Variants in DNAH7 observed in about 807,000 individuals in gnomAD.
DNAH7 encodes dynein axonemal heavy chain 7.
DNAH7 carries 397 observed loss-of-function variants against 444.6 expected under a neutral mutation model. The observed-to-expected ratio is 0.89, with a 90% confidence interval of 0.82 to 0.97. DNAH7 has a LOEUF of 0.97. Among genes scored for constraint, DNAH7 ranks in the 50% least tolerant of loss-of-function variants. The probability of loss-of-function intolerance (pLI) is 0.00; values close to 1 mark genes in which losing one functional copy is unlikely to be tolerated. For synonymous variants in DNAH7, 1,636 were observed against 1,624.4 expected (o/e 1.01, Z -0.17); for missense variants, 4,902 against 4,800.8 (o/e 1.02, Z -0.62).
intron 44 of DNAH7, 69 bp downstream of exon 44, chr2:195,857,308 G>T: frequency 2.3e-6 from 3 of 1,330,018 alleles, no homozygotes; most frequent in Admixed American, 2.5e-5. Flanking sequence ...CTTTTAAATT[G>T]TATATTTTCT....
Position 196,006,071 on chromosome 2 carries a change from T to C in DNAH7, c.990-4213A>G, listed in dbSNP as rs191113102. Among the ~76,000 whole-genome samples, 11 of 152,266 alleles carry C rather than the reference T, an allele frequency of 7.2e-5. No homozygotes were observed. The East Asian group carries it at 1.9e-3, about 27-fold the overall frequency. On this transcript the variant is annotated intron_variant, in intron 10 of 64. Coordinates refer to ENST00000312428, the MANE Select transcript of DNAH7 (RefSeq NM_018897.3). ...GCTCATGCCTGTAATCCCAACACTT[T>C]GGGAGGCTGAGTCAGGAGGATTGCT...
intron 27 of DNAH7, chr2:195,901,784 C>G (rs1280180818): frequency 6.6e-6 from 1 of 151,910 alleles, no homozygotes; most frequent in Non-Finnish European, 1.5e-5. Context: ...GGAAAGAAAA[C>G]CGGAAATAAG....
chr2:195,977,576 T>C (rs1310169571), intron 15 of DNAH7, among the ~76,000 whole-genome samples: 2 of 152,124 alleles, frequency 1.3e-5, no homozygotes, highest in African/African-American at 4.8e-5. Context: ...GGTAGAACCT[T>C]ATTCAAAAGG....
At position 195,737,859 on chromosome 2, in the gene DNAH7, A is replaced by AAT; in HGVS notation, c.*60_*61dup. 1 of 1,427,068 alleles carries AAT rather than the reference A, an allele frequency of 7.0e-7. No individual in the cohort carries two copies. The highest frequency in any genetic ancestry group is 9.4e-7 in the Non-Finnish European group (1 of 1,061,304). 88.4% of individuals were successfully genotyped at this position (1,427,068 alleles called of 1,614,324 possible). A position where few individuals can be genotyped will look rare whatever the true frequency, so the allele number is the denominator to read the frequency against. On this transcript the variant is annotated 3_prime_UTR_variant, in exon 65 of 65. Transcript: ENST00000312428. The stretch of plus-strand genomic sequence containing the variant: ...ACAAAAAAAAAGGTTTAAGTAGTAA[A>AAT]ATATGCTTTCTCTACTCAGCCAGCC...
Position 195,841,634 on chromosome 2 carries a change from G to C in DNAH7, c.8945+3368C>G, listed in dbSNP as rs1281589735. ...CAAATTCTGAATTCAAAACGAACAA[G>C]CACTACATTTACTTGCTTACTTCTT... On this transcript the variant is annotated intron_variant, in intron 47 of 64. Transcript: ENST00000312428. 2.0e-5 allele frequency among the ~76,000 whole-genome samples: 3 copies of C among 151,762 alleles called. No individual in the cohort carries two copies. In the East Asian group the frequency reaches 5.8e-4, roughly 29 times the overall value.
chr2:195,771,756 CTGAGTA>C lies in DNAH7; in HGVS notation c.11331_11336del (p.Tyr3777_Gln3779delinsTer). ...CTTGGACAAGTACAGTGTTCATGCTCTGAGTATAAGTTGTTGGGTACCTCCTCATGG... is the reference window on the plus strand; with the variant it reads ...CTTGGACAAGTACAGTGTTCATGCTCTAAGTTGTTGGGTACCTCCTCATGG... On this transcript the variant is annotated stop_gained and inframe_deletion, in exon 61 of 65. Transcript: ENST00000312428. LOFTEE classifies it high-confidence loss of function. The C allele has an allele frequency of 6.2e-7, 1 of 1,614,110 alleles. No homozygotes were observed.
At chr2:195,950,876 A>C (rs1461306348) in intron 19 of DNAH7, among the ~76,000 whole-genome samples, 1 of 149,706 alleles carries the variant, frequency 6.7e-6, no homozygotes. Context: ...AAAAAAAAAA[A>C]AAACCCAGCT....
intron 12 of DNAH7, among the ~76,000 whole-genome samples, chr2:195,993,537 T>C (rs1020167708): frequency 2.6e-5 from 4 of 152,134 alleles, no homozygotes; most frequent in African/African-American, 7.2e-5. Context: ...TTTATGGAGA[T>C]AGAAAAATCC....
chr2:195,778,844 CTTTTT>C lies in DNAH7; in HGVS notation c.10879-864_10879-860del, dbSNP rs11286753. Among the ~76,000 whole-genome samples the C allele has an allele frequency of 1.6e-4, 20 of 125,932 alleles. No homozygotes were observed. The Admixed American group carries it at 1.6e-3, about 10-fold the overall frequency. 82.6% of individuals were successfully genotyped at this position (125,932 alleles called of 152,430 possible). On this transcript the variant is annotated intron_variant, in intron 58 of 64. Coordinates refer to ENST00000312428, the MANE Select transcript of DNAH7 (RefSeq NM_018897.3). ...ATATATACATATACACAATTGTACACTTTTTTTTTTTTTTTTGAGACTGAGTTTCA... is the reference window on the plus strand; with the variant it reads ...ATATATACATATACACAATTGTACACTTTTTTTTTTTGAGACTGAGTTTCA...
intron 40 of DNAH7, among the ~76,000 whole-genome samples, chr2:195,866,318 C>A (rs114912746): frequency 6.6e-6 from 1 of 151,636 alleles, no homozygotes; most frequent in Non-Finnish European, 1.5e-5. Flanking sequence ...GTATTGTTAT[C>A]AAATTGATGA....
At chr2:195,866,916 C>T (rs570139551) in intron 40 of DNAH7, among the ~76,000 whole-genome samples, 2 of 152,168 alleles carry the variant, frequency 1.3e-5, no homozygotes, top group South Asian at 4.2e-4. Context: ...TCTCACGAGA[C>T]CTGATGGTTT....
intron 47 of DNAH7, among the ~76,000 whole-genome samples, chr2:195,838,117 G>A (rs1698476673): frequency 6.6e-6 from 1 of 152,116 alleles, no homozygotes; most frequent in Non-Finnish European, 1.5e-5. Flanking sequence ...ATGCCGAGGA[G>A]TAGATTCAAA....
At position 195,858,796 on chromosome 2, in the gene DNAH7, ATTAC is replaced by A. The variant is rs777240950; in HGVS notation, c.7741_7744del (p.Val2581Ter). On this transcript the variant is annotated frameshift_variant, in exon 43 of 65. Coordinates refer to ENST00000312428, the MANE Select transcript of DNAH7 (RefSeq NM_018897.3). LOFTEE classifies it high-confidence loss of function. The stretch of plus-strand genomic sequence containing the variant: ...CACTTCATATCTCTTTTTCATTTTC[ATTAC>A]TTCACTGGAAGGAAATAGATAAAAC... The A allele has an allele frequency of 6.2e-7, 1 of 1,604,750 alleles. No homozygotes were observed. The highest frequency in any genetic ancestry group is 8.5e-7 in the Non-Finnish European group (1 of 1,175,810).
chr2:195,952,403 T>C (rs1456436106), intron 19 of DNAH7, among the ~76,000 whole-genome samples: 1 of 152,138 alleles, frequency 6.6e-6, no homozygotes, highest in Non-Finnish European at 1.5e-5. Context: ...CGACTATGTG[T>C]CTTGGGGTTG....
intron 5 of DNAH7, among the ~76,000 whole-genome samples, chr2:196,030,670 A>G (rs887658037): frequency 9.2e-5 from 14 of 152,242 alleles, no homozygotes; most frequent in Admixed American, 8.5e-4. Flanking sequence ...ATTGGCCAAG[A>G]CAAAGTGGTT....
intron 20 of DNAH7, among the ~76,000 whole-genome samples, chr2:195,935,048 A>G (rs1157971605): frequency 6.6e-6 from 1 of 152,248 alleles, no homozygotes; most frequent in East Asian, 1.9e-4. Context: ...CTACAGAGAC[A>G]ACCACGAGGC....
intron 22 of DNAH7, among the ~76,000 whole-genome samples, chr2:195,926,218 T>C (rs1157332509): frequency 6.6e-6 from 1 of 152,202 alleles, no homozygotes; most frequent in Non-Finnish European, 1.5e-5. Flanking sequence ...AAACATGATT[T>C]AAACATAAAT....
intron 10 of DNAH7, among the ~76,000 whole-genome samples, chr2:196,005,446 C>T (rs938637009): frequency 2.0e-5 from 3 of 151,508 alleles, no homozygotes; most frequent in African/African-American, 7.3e-5. Flanking sequence ...AACAGATCAA[C>T]AAAACTCATG....
At chr2:195,934,890 G>C in intron 20 of DNAH7, 101 bp from the exon 21 acceptor site, 1 of 1,303,066 alleles carries the variant, frequency 7.7e-7, no homozygotes, top group South Asian at 1.4e-5. Flanking sequence ...GTGCTGCTGG[G>C]AATGAAATGC....
Sources: gnomAD v4.1 joint callset for allele counts (sites outside exome capture counted in the v4.1 genomes callset) on GRCh38, gnomAD v4.1.1 for gene constraint, MANE v1.5 for transcripts, NCBI Gene and HGNC (gene_info 2026-07-23, HGNC 2026-07-21) for gene names.